DST: variants seen among roughly 807,000 people sequenced by gnomAD.
The protein encoded by DST is dystonin, also known as bullous pemphigoid antigen.
A neutral mutation model predicts 875.2 loss-of-function variants in DST; 253 were observed. The ratio of observed to expected loss-of-function variants is 0.29; its 90% CI spans 0.26 to 0.32. The LOEUF is 0.32. Among genes scored for constraint, DST ranks in the 10% least tolerant of loss-of-function variants. The pLI is 1.00. For synonymous variants in DST, 3,124 were observed against 3,197.1 expected (o/e 0.98, Z 0.77); for missense variants, 8,287 against 9,111.6 (o/e 0.91, Z 3.68).
intron 5 of DST, among the ~76,000 whole-genome samples, chr6:56,729,014 G>A (rs998561501): frequency 7.4e-6 from 1 of 135,606 alleles, no homozygotes; most frequent in South Asian, 2.3e-4. Flanking sequence ...ACACACACAC[G>A]ACTGGGGAAG....
chr6:56,652,846 T>C (rs145219171), intron 10 of DST, among the ~76,000 whole-genome samples: 16 of 152,298 alleles, frequency 1.1e-4, no homozygotes, highest in African/African-American at 3.4e-4. Flanking sequence ...AATAAATCCA[T>C]TGACAACTAT....
At chr6:56,909,009 C>A (rs920738013) in intron 2 of DST, among the ~76,000 whole-genome samples, 1 of 152,144 alleles carries the variant, frequency 6.6e-6, no homozygotes. Context: ...TTCTTCTATT[C>A]CTTTACTTTC....
At position 56,626,200 on chromosome 6, in the gene DST, A is replaced by T. The variant is rs531393732; in HGVS notation, c.4723-936T>A. 4.6e-5 allele frequency among the ~76,000 whole-genome samples: 7 copies of T among 152,220 alleles called. No homozygotes were observed. The South Asian group carries it at 1.5e-3, about 32-fold the overall frequency. ...AAGAAATTTTTTTATAAGCTAGTGT[A>T]GTCTAAGTGTACAGTGTTTATAAAT... On this transcript the variant is annotated intron_variant, in intron 34 of 103. Coordinates refer to ENST00000680361, the MANE Select transcript of DST (RefSeq NM_001374736.1).
chr6:56,781,075 T>C (rs1279075356), intron 4 of DST, among the ~76,000 whole-genome samples: 2 of 151,834 alleles, frequency 1.3e-5, no homozygotes, highest in Non-Finnish European at 2.9e-5. Context: ...GTTCTGTCCA[T>C]TGATCTATAT....
intron 3 of DST, among the ~76,000 whole-genome samples, chr6:56,890,956 T>G (rs573220609): frequency 2.0e-5 from 3 of 152,214 alleles, no homozygotes; most frequent in Non-Finnish European, 4.4e-5. Flanking sequence ...GTTGCTTTCA[T>G]GGCAACACGT....
At chr6:56,582,274 G>T (rs2098019599) in intron 49 of DST, among the ~76,000 whole-genome samples, 1 of 152,180 alleles carries the variant, frequency 6.6e-6, no homozygotes, top group Non-Finnish European at 1.5e-5. Context: ...GGGAGAACCT[G>T]GTGGGAGATG....
At chr6:56,490,879 A>T (rs1300336338) in intron 85 of DST, among the ~76,000 whole-genome samples, 1 of 152,208 alleles carries the variant, frequency 6.6e-6, no homozygotes, top group Non-Finnish European at 1.5e-5. Context: ...CATTTGCACT[A>T]AAAACAGTAG....
At chr6:56,831,755 C>A (rs1395473492) in intron 4 of DST, among the ~76,000 whole-genome samples, 1 of 151,892 alleles carries the variant, frequency 6.6e-6, no homozygotes, top group African/African-American at 2.4e-5. Flanking sequence ...TCTCCCGGTT[C>A]TAAATCCTTC....
At chr6:56,516,659 T>C (rs898282621) in intron 71 of DST, among the ~76,000 whole-genome samples, 1 of 152,280 alleles carries the variant, frequency 6.6e-6, no homozygotes, top group African/African-American at 2.4e-5. Flanking sequence ...GAATATGAAT[T>C]GAACATTTTT....
At chr6:56,938,108 C>CTCTCTATATATATATATA (rs1383243392) in intron 2 of DST, among the ~76,000 whole-genome samples, 5 of 120,752 alleles carry the variant, frequency 4.1e-5, no homozygotes, top group African/African-American at 1.4e-4. Flanking sequence ...CTCTCTCTCT[C>CTCTCTATATATATATATA]TATATATATA....
rs368415507 is a variant in DST at position 56,560,543 on chromosome 6, G to T, written c.14311-120C>A. 5 of 1,103,438 alleles carry T rather than the reference G, an allele frequency of 4.5e-6. No homozygotes were observed. The African/African-American group carries it at 6.3e-5, about 14-fold the overall frequency. 68.4% of individuals were successfully genotyped at this position (1,103,438 alleles called of 1,614,324 possible). On this transcript the variant is annotated intron_variant, in intron 57 of 103. Transcript: ENST00000680361. ...AGGAAAAAATCTACTGTTAAATGTT[G>T]TGGTGGGTGAGGGCCTGGATTTTGC...
At chr6:56,459,334 C>T in intron 103 of DST, 67 bp from the exon 104 acceptor site, 1 of 1,485,782 alleles carries the variant, frequency 6.7e-7, no homozygotes, top group Admixed American at 2.2e-5. Context: ...TTTTTGAAAC[C>T]CGATGCCACC....
At chr6:56,588,412 C>T (rs943994859) in intron 49 of DST, among the ~76,000 whole-genome samples, 3 of 152,168 alleles carry the variant, frequency 2.0e-5, no homozygotes, top group African/African-American at 7.2e-5. Flanking sequence ...AAAACCTTCC[C>T]TAAGTCTCTC....
At chr6:56,918,133 C>CTT (rs55782325) in intron 2 of DST, among the ~76,000 whole-genome samples, 1 of 140,318 alleles carries the variant, frequency 7.1e-6, no homozygotes, top group Admixed American at 7.2e-5. Flanking sequence ...TTTTTTTTTT[C>CTT]TTTTTTTTTT....
At chr6:56,547,843 A>G (rs1479672312) in intron 61 of DST, among the ~76,000 whole-genome samples, 1 of 152,200 alleles carries the variant, frequency 6.6e-6, no homozygotes, top group Non-Finnish European at 1.5e-5. Context: ...GAGAAAATTT[A>G]TTACAGTATA....
chr6:56,655,415 T>C (rs868036556), intron 10 of DST, among the ~76,000 whole-genome samples: 1 of 151,962 alleles, frequency 6.6e-6, no homozygotes. Context: ...AATGTGACAA[T>C]AGCTGAAAAG....
At chr6:56,484,364 T>C (rs534482455) in intron 88 of DST, 160 of 152,202 alleles carry the variant, frequency 1.1e-3, no homozygotes, top group African/African-American at 3.8e-3. Flanking sequence ...TGTTTCACTT[T>C]TCAGGTGTAA....
intron 82 of DST, 147 bp from the exon 83 acceptor site, chr6:56,494,327 ACTAC>A: frequency 1.6e-6 from 1 of 617,968 alleles, no homozygotes; most frequent in African/African-American, 1.8e-5. Context: ...TATACTTTTC[ACTAC>A]ATTGAAACAA....
At chr6:56,906,362 C>T (rs1392801400) in intron 2 of DST, among the ~76,000 whole-genome samples, 1 of 152,162 alleles carries the variant, frequency 6.6e-6, no homozygotes, top group Non-Finnish European at 1.5e-5. Context: ...AGTCAAGCTG[C>T]AGACATAGAC....
Sources: allele counts gnomAD v4.1 joint callset (sites outside exome capture counted in the v4.1 genomes callset), GRCh38; gene constraint gnomAD v4.1.1; transcripts MANE v1.5; gene names NCBI Gene and HGNC (gene_info 2026-07-23, HGNC 2026-07-21).